The following URI1 variants were observed in gnomAD, a reference collection of about 807,000 sequenced individuals.
The protein encoded by URI1 is unconventional prefoldin RPB5 interactor 1.
In URI1, 39 loss-of-function variants were observed where a neutral mutation model predicts 60.2. That is an observed-to-expected ratio of 0.65 (90% confidence interval 0.50 to 0.85). The LOEUF (loss-of-function observed/expected upper bound fraction) is 0.85, where lower values mean the gene tolerates loss of function less well. URI1 is among the 40% of genes least tolerant of loss of function. URI1 has a pLI of 0.00. For missense variants in URI1, 691 were observed against 665.9 expected, an observed-to-expected ratio of 1.04 and a Z score of -0.42; for synonymous variants, 251 against 236.8, an observed-to-expected ratio of 1.06 and a Z score of -0.55.
At chr19:29,950,281 G>C (rs1230569651) in intron 1 of URI1, among the ~76,000 whole-genome samples, 1 of 152,166 alleles carries the variant, frequency 6.6e-6, no homozygotes, top group African/African-American at 2.4e-5. Flanking sequence ...GGGGGAAGAA[G>C]GTGCGTGGAA....
rs2055650285 is a variant in URI1, at chr19:29,985,169, A to G, written c.153-54A>G. On this transcript the variant is annotated intron_variant, in intron 2 of 10. Transcript: ENST00000392271. ...AAAAAAAAAAAAAAAAAAAAAAAAA[A>G]AAAAAAAAGAAAAATCGTTAATAAT... is the stretch of plus-strand genomic sequence containing the variant. 1.6e-4 allele frequency: 39 copies of G among 240,902 alleles called. 1 individual carries two copies. The highest frequency in any genetic ancestry group is 4.2e-4 in the Admixed American group (8 of 18,980). 14.9% of individuals were successfully genotyped at this position (240,902 alleles called of 1,614,324 possible).
intron 1 of URI1, among the ~76,000 whole-genome samples, chr19:29,944,192 T>TATATAA (rs2055074573): frequency 9.0e-6 from 1 of 110,506 alleles, no homozygotes; most frequent in Admixed American, 9.6e-5. Flanking sequence ...TATATATATA[T>TATATAA]AAAACTTAAC....
At chr19:29,971,016 A>G (rs2055452914) in intron 1 of URI1, 177 bp from the exon 2 acceptor site, 1 of 619,838 alleles carries the variant, frequency 1.6e-6, no homozygotes. Context: ...GAGGGTTATG[A>G]TAAAGTGTGC....
intron 1 of URI1, chr19:29,925,764 T>C (rs1252777040): frequency 6.6e-6 from 1 of 152,230 alleles, no homozygotes; most frequent in Non-Finnish European, 1.5e-5. Flanking sequence ...AACTTTTGAA[T>C]GGTGTTGGGG....
intron 1 of URI1, among the ~76,000 whole-genome samples, chr19:29,950,556 T>G (rs1246800133): frequency 6.6e-6 from 1 of 152,218 alleles, no homozygotes; most frequent in Non-Finnish European, 1.5e-5. Context: ...TCTCTTTATA[T>G]ATTCCTTTTT....
At position 29,996,479 on chromosome 19, in the gene URI1, T is replaced by TTGTGTGTGTG. The variant is rs140817981; in HGVS notation, c.368-8870_368-8861dup. 2.2e-3 allele frequency among the ~76,000 whole-genome samples: 325 copies of TTGTGTGTGTG among 150,522 alleles called. 2 individuals carry two copies. Among genetic ancestry groups the TTGTGTGTGTG allele is most frequent in the African/African-American group, 7.2e-3 (298 of 41,200 alleles). On this transcript the variant is annotated intron_variant, in intron 4 of 10. Coordinates refer to ENST00000392271, the MANE Select transcript of URI1 (RefSeq NM_003796.3). ...TTTTTATTAGCTTTACAAGGGTGTTTTGTGTGTGTGTGTGTGTGTGTATTC... is the reference window on the plus strand; with the variant it reads ...TTTTTATTAGCTTTACAAGGGTGTTTTGTGTGTGTGTGTGTGTGTGTGTGTGTGTGTATTC...
upstream of URI1, chr19:29,942,118 G>C (rs1299765868): frequency 2.8e-6 from 2 of 711,556 alleles, no homozygotes; most frequent in South Asian, 6.2e-5. Context: ...CGCGGACACC[G>C]CCAGCCCCAG....
chr19:29,980,325 G>A (rs1042785540), intron 2 of URI1: 2 of 152,066 alleles, frequency 1.3e-5, no homozygotes, highest in Non-Finnish European at 2.9e-5. Flanking sequence ...GGATTCAATT[G>A]AAACAAGTCT....
chr19:29,979,165 C>T (rs779873035), intron 2 of URI1, among the ~76,000 whole-genome samples: 1 of 152,084 alleles, frequency 6.6e-6, no homozygotes, highest in Non-Finnish European at 1.5e-5. Flanking sequence ...TAGAAATTTG[C>T]ACAAACTTTC....
At chr19:29,992,771 A>T (rs2055762729) in intron 4 of URI1, among the ~76,000 whole-genome samples, 1 of 152,218 alleles carries the variant, frequency 6.6e-6, no homozygotes. Flanking sequence ...ACCAGGATTT[A>T]ATCAGAGGTT....
chr19:30,010,361 G>C (rs929413684), intron 8 of URI1, among the ~76,000 whole-genome samples: 1 of 152,182 alleles, frequency 6.6e-6, no homozygotes, highest in African/African-American at 2.4e-5. Flanking sequence ...ATTCTAATAT[G>C]TCAGACTGAA....
At chr19:30,008,968 A>G (rs745482299) in intron 7 of URI1, 37 bp from the exon 8 acceptor site, 12 of 1,459,368 alleles carry the variant, frequency 8.2e-6, no homozygotes, top group African/African-American at 2.8e-5. Flanking sequence ...AAATTCTAGT[A>G]TGTTTGTTTG....
chr19:29,942,235 G>GGGCGTGTGGGGAGGCGC, upstream of URI1: 1 of 984,798 alleles, frequency 1.0e-6, no homozygotes. Flanking sequence ...GCGAGAGGCG[G>GGGCGTGTGGGGAGGCGC]GGCGTGTGGG....
chr19:29,997,188 C>G (rs1011308043), intron 4 of URI1, among the ~76,000 whole-genome samples: 2 of 152,092 alleles, frequency 1.3e-5, no homozygotes, highest in Non-Finnish European at 2.9e-5. Context: ...GTGAAAGCAT[C>G]TCTTCTTGGT....
chr19:30,004,717 A>T (rs1203616675), intron 4 of URI1, among the ~76,000 whole-genome samples: 1 of 152,090 alleles, frequency 6.6e-6, no homozygotes, highest in African/African-American at 2.4e-5. Flanking sequence ...TACTCTGATT[A>T]CAGAAACATG....
intron 2 of URI1, among the ~76,000 whole-genome samples, chr19:29,984,586 C>T: frequency 6.6e-6 from 1 of 152,116 alleles, no homozygotes; most frequent in East Asian, 1.9e-4. Flanking sequence ...TATTCTGCTT[C>T]TAAATGCCAG....
At chr19:29,987,933 C>T (rs906158248) in intron 4 of URI1, among the ~76,000 whole-genome samples, 2 of 152,010 alleles carry the variant, frequency 1.3e-5, no homozygotes, top group Non-Finnish European at 2.9e-5. Context: ...TTTGGGAGGA[C>T]AAGGCAGGTG....
At chr19:29,942,235 G>C (rs2055034824), upstream of URI1, 1 of 984,692 alleles carries the variant, frequency 1.0e-6, no homozygotes, top group South Asian at 4.7e-5. Flanking sequence ...GCGAGAGGCG[G>C]GGCGTGTGGG....
intron 1 of URI1, among the ~76,000 whole-genome samples, chr19:29,948,194 G>C (rs1438143083): frequency 1.3e-5 from 2 of 152,150 alleles, no homozygotes; most frequent in African/African-American, 4.8e-5. Flanking sequence ...GTACATGGTG[G>C]TGTAGTTTTA....
Sources: gnomAD v4.1 joint callset for allele counts (sites outside exome capture counted in the v4.1 genomes callset) on GRCh38, gnomAD v4.1.1 for gene constraint, MANE v1.5 for transcripts, NCBI Gene and HGNC (gene_info 2026-07-23, HGNC 2026-07-21) for gene names.